The following MYO16 variants were observed in gnomAD, a reference collection of about 807,000 sequenced individuals.
The protein encoded by MYO16 is unconventional myosin-XVI.
In MYO16, 94 loss-of-function variants were observed where a neutral mutation model predicts 205.3. The observed-to-expected ratio is 0.46, with a 90% CI of 0.39 to 0.54. The LOEUF (loss-of-function observed/expected upper bound fraction) is 0.54. MYO16 is among the 20% of genes least tolerant of loss of function. The pLI is 0.00. For missense variants in MYO16, 2,315 were observed against 2,387.5 expected, an observed-to-expected ratio of 0.97 and a Z score of 0.63; for synonymous variants, 988 against 954.0, an observed-to-expected ratio of 1.04 and a Z score of -0.66.
At chr13:108,937,226 G>A (rs1470336937) in intron 16 of MYO16, among the ~76,000 whole-genome samples, 1 of 152,126 alleles carries the variant, frequency 6.6e-6, no homozygotes, top group Non-Finnish European at 1.5e-5. Context: ...CCATTAGCCT[G>A]ATGGGGTTCC....
At position 108,866,188 on chromosome 13, in the gene MYO16, A is replaced by G. The variant is rs895417573; in HGVS notation, c.1371A>G (p.Gly457=). 6.2e-6 allele frequency: 10 copies of G among 1,603,244 alleles called. No homozygotes were observed. The African/African-American group carries it at 1.3e-4, about 21-fold the overall frequency. The change falls in exon 12 of 35, where the codon GGA becomes GGG. Residue 457 remains glycine (G), a synonymous_variant. Transcript: ENST00000457511. The part of the protein sequence containing the change: ...FGNNQIYTFI[G]DILLLVNPYK... ...CCCTTTTTTCACAGACATTCATTGG[A>G]GACATTCTTTTGCTTGTTAACCCAT... is the stretch of plus-strand genomic sequence containing the variant.
intron 7 of MYO16, among the ~76,000 whole-genome samples, chr13:108,810,030 ATC>A (rs1887238357): frequency 6.6e-6 from 1 of 152,218 alleles, no homozygotes; most frequent in Non-Finnish European, 1.5e-5. Context: ...ACGTGTCCTG[ATC>A]CATTGATGGT....
rs762125584 is a variant in MYO16, at chr13:108,665,935, C to T, written c.78C>T (p.Asp26=). ...TTCGATCCCATGAGATGGAAATCGA[C>T]CAGTGCTTGCTAGAGTCCCTTCCCC... ...NVFRSHEMEI[D]QCLLESLPLG... Residue 26 remains aspartate, a synonymous_variant, in exon 2 of 35, where the codon GAC becomes GAT. Coordinates refer to ENST00000457511, the MANE Select transcript of MYO16 (RefSeq NM_001198950.3). 1.9e-6 allele frequency: 3 copies of T among 1,614,098 alleles called. No individual in the cohort carries two copies. The highest frequency in any genetic ancestry group is 2.5e-6 in the Non-Finnish European group (3 of 1,179,974).
chr13:108,916,237 C>G (rs1333739507), intron 16 of MYO16, among the ~76,000 whole-genome samples: 1 of 152,166 alleles, frequency 6.6e-6, no homozygotes. Context: ...TGGGGCACTT[C>G]CCATGTGCCA....
intron 34 of MYO16, among the ~76,000 whole-genome samples, chr13:109,198,999 G>A (rs1157282628): frequency 2.0e-5 from 3 of 151,626 alleles, no homozygotes; most frequent in South Asian, 2.1e-4. Context: ...GAAGTTTAAT[G>A]TCATTCCTGT....
chr13:108,540,016 C>T, the MYO16 span, among the ~76,000 whole-genome samples: 1 of 152,016 alleles, frequency 6.6e-6, no homozygotes. Context: ...CAATGTTTGT[C>T]ACTAAAATTA....
chr13:109,204,312 G>C (rs1872935138), intron 34 of MYO16, among the ~76,000 whole-genome samples: 1 of 152,222 alleles, frequency 6.6e-6, no homozygotes, highest in Non-Finnish European at 1.5e-5. Context: ...TCTTCCATCA[G>C]TTAAATGTTG....
chr13:109,168,682 G>A lies in MYO16; in HGVS notation c.5323+3623G>A, dbSNP rs187461586. Among the ~76,000 whole-genome samples, 409 of 152,164 alleles carry A rather than the reference G, an allele frequency of 2.7e-3. 3 individuals carry two copies. The highest frequency in any genetic ancestry group is 9.6e-3 in the African/African-American group (398 of 41,506). ...GGAGTTTGCAGTGAGCCCTGATCGC[G>A]CCACTGCACTCCAGCCTGGGTGACA... is the stretch of plus-strand genomic sequence containing the variant. On this transcript the variant is annotated intron_variant, in intron 33 of 34. Coordinates refer to ENST00000457511, the MANE Select transcript of MYO16 (RefSeq NM_001198950.3).
At chr13:109,126,506 A>G (rs547370814) in intron 30 of MYO16, among the ~76,000 whole-genome samples, 2 of 152,346 alleles carry the variant, frequency 1.3e-5, no homozygotes, top group East Asian at 3.9e-4. Context: ...TTTAAGCAAG[A>G]TAACTATTAA....
chr13:108,772,252 G>C (rs922216751), intron 4 of MYO16, among the ~76,000 whole-genome samples: 1 of 152,148 alleles, frequency 6.6e-6, no homozygotes, highest in Non-Finnish European at 1.5e-5. Context: ...CCAGCTACTT[G>C]GGAGGCTGAG....
chr13:108,636,358 TTTTTTTTTTTTTG>T (rs1289744373), intron 1 of MYO16, among the ~76,000 whole-genome samples: 5 of 72,176 alleles, frequency 6.9e-5, no homozygotes, highest in Middle Eastern at 9.1e-3. Context: ...TTTTTTTTTT[TTTTTTTTTTTTTG>T]TGTGTGTGTG....
At chr13:108,977,832 C>A (rs558912615) in intron 20 of MYO16, among the ~76,000 whole-genome samples, 1 of 152,026 alleles carries the variant, frequency 6.6e-6, no homozygotes, top group South Asian at 2.1e-4. Context: ...TCTTTATTTT[C>A]ACATATTAAT....
chr13:108,717,367 C>T (rs1290127967), intron 3 of MYO16, among the ~76,000 whole-genome samples: 4 of 106 alleles, frequency 0.038, no homozygotes, highest in East Asian at 0.17. Flanking sequence ...TGGTGACTCA[C>T]GCCCTGTAAT....
the MYO16 span, among the ~76,000 whole-genome samples, chr13:108,533,509 T>C: frequency 6.6e-6 from 1 of 152,246 alleles, no homozygotes; most frequent in East Asian, 1.9e-4. Flanking sequence ...GAAGCCTCAG[T>C]AGAAATTTTG....
chr13:108,850,059 A>G (rs1386487338), intron 10 of MYO16, among the ~76,000 whole-genome samples: 1 of 129,980 alleles, frequency 7.7e-6, no homozygotes, highest in Non-Finnish European at 1.6e-5. Context: ...TGTGTGTGTA[A>G]CTTATCCATA....
chr13:108,727,071 G>A (rs1052937804), intron 3 of MYO16, among the ~76,000 whole-genome samples: 12 of 151,308 alleles, frequency 7.9e-5, no homozygotes, highest in Non-Finnish European at 1.8e-4. Context: ...ATGTTTTAGA[G>A]TAGAAGGGTA....
At chr13:109,022,577 A>ATG (rs1491254653) in intron 23 of MYO16, among the ~76,000 whole-genome samples, 11 of 87,278 alleles carry the variant, frequency 1.3e-4, no homozygotes, top group African/African-American at 2.7e-4. Context: ...ACATATAAAC[A>ATG]TATGTATATA....
At chr13:108,554,045 G>GT in the MYO16 span, among the ~76,000 whole-genome samples, 1 of 152,128 alleles carries the variant, frequency 6.6e-6, no homozygotes, top group Admixed American at 6.5e-5. Flanking sequence ...AACCGTGTGT[G>GT]TTCCTTGATG....
chr13:108,643,412 A>AT (rs1880599043), intron 1 of MYO16, among the ~76,000 whole-genome samples: 1 of 152,218 alleles, frequency 6.6e-6, no homozygotes, highest in African/African-American at 2.4e-5. Flanking sequence ...ATTGAAAGAC[A>AT]TTCCGGTTGA....
Sources: allele counts gnomAD v4.1 joint callset (sites outside exome capture counted in the v4.1 genomes callset), GRCh38; gene constraint gnomAD v4.1.1; transcripts MANE v1.5; gene names NCBI Gene and HGNC (gene_info 2026-07-23, HGNC 2026-07-21).